VSIG8: variants seen among roughly 807,000 people sequenced by gnomAD.
VSIG8 encodes V-set and immunoglobulin domain containing 8, also known as V-set and immunoglobulin domain-containing protein 8.
In VSIG8, 32 loss-of-function variants were observed where a neutral mutation model predicts 42.6. That is an observed-to-expected ratio of 0.75 (90% CI 0.57 to 1.01). The LOEUF (loss-of-function observed/expected upper bound fraction) is 1.01. VSIG8 is among the 50% of genes least tolerant of loss of function. The pLI is 0.00. For missense variants in VSIG8, 529 were observed against 558.0 expected (o/e 0.95, Z 0.52); for synonymous variants, 290 against 243.8 (o/e 1.19, Z -1.77).
intron 1 of VSIG8, chr1:159,860,529 C>G (rs574620558): frequency 3.3e-5 from 5 of 152,218 alleles, no homozygotes; most frequent in Non-Finnish European, 5.9e-5. Context: ...GAACATCCCC[C>G]CTAGGAACAC....
intron 3 of VSIG8, 55 bp from the exon 4 acceptor site, chr1:159,858,021 C>T: frequency 1.2e-6 from 2 of 1,612,194 alleles, no homozygotes; most frequent in Non-Finnish European, 1.7e-6. Flanking sequence ...CAGAGCCAGG[C>T]TCAAAGTGGC....
At chr1:159,859,631 G>A (rs1284970298) in intron 1 of VSIG8, among the ~76,000 whole-genome samples, 1 of 152,150 alleles carries the variant, frequency 6.6e-6, no homozygotes, top group African/African-American at 2.4e-5. Flanking sequence ...GTGGACAGCT[G>A]TGACCAGGAG....
chr1:159,858,569 T>C (rs1196835717), intron 2 of VSIG8, among the ~76,000 whole-genome samples, 165 bp downstream of exon 2: 1 of 152,222 alleles, frequency 6.6e-6, no homozygotes, highest in African/African-American at 2.4e-5. Context: ...GTAGACTGAC[T>C]GGCTAGCTTA....
chr1:159,854,818 T>A lies in VSIG8; in HGVS notation c.1180A>T (p.Lys394Ter). The A allele has an allele frequency of 6.7e-7, 1 of 1,503,308 alleles. No homozygotes were observed. The highest frequency in any genetic ancestry group is 8.8e-7 in the Non-Finnish European group (1 of 1,133,456). 93.1% of individuals were successfully genotyped at this position (1,503,308 alleles called of 1,614,324 possible). ...GCGCAGTCAGCCGGCTCCGCGCTCT[T>A]GACCTTGACGTAGACCGGGGAGGGG... ...AGPSPVYVKVKSAEPADCAEG... is the reference protein window; with the variant it reads ...AGPSPVYVKV Residue 394 changes from lysine (K) to a stop codon, truncating the protein, a stop_gained, in exon 7 of 7, where the codon AAG becomes TAG. Transcript: ENST00000368100. LOFTEE classifies it high-confidence loss of function.
Position 159,854,991 on chromosome 1 carries a change from C to T in VSIG8, c.1007G>A (p.Gly336Glu). 1 of 1,560,874 alleles carries T rather than the reference C, an allele frequency of 6.4e-7. No individual in the cohort carries two copies. The highest frequency in any genetic ancestry group is 2.4e-5 in the East Asian group (1 of 41,296). ...DAVAPGCKAS[G>E]RGSRVTHLLG... ...GAGGTGGGTGACGCGGCTGCCGCGC[C>T]CGCTGGCCTTGCACCCGGGCGCCAC... The change falls in exon 7 of 7, where the codon GGG becomes GAG. Residue 336 changes from glycine (G) to glutamate (E), a missense_variant. Physicochemically the swap from Gly to Glu is moderately conservative, Grantham distance 98. Transcript: ENST00000368100.
At position 159,862,564 on chromosome 1, in the gene VSIG8, G is replaced by A. The variant is rs374245780; in HGVS notation, c.-43C>T. 1.1e-5 allele frequency: 17 copies of A among 1,599,256 alleles called. No homozygotes were observed. The highest frequency in any genetic ancestry group is 2.2e-5 in the East Asian group (1 of 44,454). On this transcript the variant is annotated 5_prime_UTR_variant, in exon 1 of 7. It adds an upstream start codon to the 5' untranslated region. Transcript: ENST00000368100. ...TTCCTCCGTCTGGGCTGGGTATCCC[G>A]TGGGGTCGTAGTGGTGGGTGTGAGG...
At chr1:159,859,332 A>G (rs975214668) in intron 1 of VSIG8, among the ~76,000 whole-genome samples, 5 of 152,184 alleles carry the variant, frequency 3.3e-5, no homozygotes, top group Non-Finnish European at 7.3e-5. Context: ...TGTGGTACAC[A>G]CAGAGTTGTT....
intron 1 of VSIG8, among the ~76,000 whole-genome samples, chr1:159,859,972 C>T (rs948312970): frequency 2.0e-5 from 3 of 152,076 alleles, no homozygotes; most frequent in African/African-American, 7.2e-5. Context: ...AGGGATAAGA[C>T]CGGGGGGTGT....
At position 159,862,468 on chromosome 1, in the gene VSIG8, C is replaced by A; in HGVS notation, c.49+5G>T. 1 of 1,612,056 alleles carries A rather than the reference C, an allele frequency of 6.2e-7. No individual in the cohort carries two copies. Among genetic ancestry groups the A allele is most frequent in the Admixed American group, 1.7e-5 (1 of 59,902 alleles). The stretch of plus-strand genomic sequence containing the variant: ...GGCTACCCTGCCCCCTGCCCAGCCC[C>A]GTACCTGGGCTCAGGCACACGAGTA... On this transcript the variant is annotated splice_donor_5th_base_variant and intron_variant, in intron 1 of 6. Coordinates refer to ENST00000368100, the MANE Select transcript of VSIG8 (RefSeq NM_001013661.1).
rs1032838082 is a variant in VSIG8, at chr1:159,854,987, G to A, written c.1011C>T (p.Arg337=). 3.2e-6 allele frequency: 5 copies of A among 1,557,288 alleles called. No homozygotes were observed. The highest frequency in any genetic ancestry group is 3.5e-6 in the Non-Finnish European group (4 of 1,157,852). The change falls in exon 7 of 7, where the codon CGC becomes CGT. Residue 337 remains arginine (R), a synonymous_variant. Transcript: ENST00000368100. ...CCAGGAGGTGGGTGACGCGGCTGCC[G>A]CGCCCGCTGGCCTTGCACCCGGGCG... The part of the protein sequence containing the change: ...AVAPGCKASG[R]GSRVTHLLGY...
Position 159,855,995 on chromosome 1 carries a change from C to A in VSIG8, c.859G>T (p.Val287Phe). Residue 287 changes from valine (V) to phenylalanine (F), a missense_variant, in exon 6 of 7, where the codon GTC becomes TTC. Coordinates refer to ENST00000368100, the MANE Select transcript of VSIG8 (RefSeq NM_001013661.1). The part of the protein sequence containing the change: ...GCLAVGIWGL[V>F]CCCCGGSGAG... ...CCGGAGCCCCCGCAGCAGCAGCAGACGAGCCCCCAGATGCCTACGGCCAGG... is the reference window on the plus strand; with the variant it reads ...CCGGAGCCCCCGCAGCAGCAGCAGAAGAGCCCCCAGATGCCTACGGCCAGG... 6.2e-7 allele frequency: 1 copy of A among 1,607,316 alleles called. No individual in the cohort carries two copies. The highest frequency in any genetic ancestry group is 8.5e-7 in the Non-Finnish European group (1 of 1,177,154).
chr1:159,858,701 T>C, intron 2 of VSIG8, 33 bp downstream of exon 2: 3 of 1,578,200 alleles, frequency 1.9e-6, no homozygotes, highest in Non-Finnish European at 1.7e-6. Flanking sequence ...TCATGAAGCC[T>C]AGAGGAAGGA....
chr1:159,855,428 A>G, intron 6 of VSIG8: 1 of 1,414,998 alleles, frequency 7.1e-7, no homozygotes, highest in African/African-American at 1.5e-5. Context: ...AGTCTTCTCC[A>G]TCTTTCCCTC....
chr1:159,860,343 A>C (rs1648980058), intron 1 of VSIG8, among the ~76,000 whole-genome samples: 1 of 152,262 alleles, frequency 6.6e-6, no homozygotes, highest in Admixed American at 6.5e-5. Context: ...CACAATCTGC[A>C]CACAAACACA....
In VSIG8 at chr1:159,858,789, A is replaced by G. The variant is rs1284734936; in HGVS notation, c.173T>C (p.Leu58Pro). ...GTTGACCTGCATCCACTCGATGTCC[A>G]GCCCATTGGGACCATAGTCCTCAGG... ...LDPEDYGPNG[L>P]DIEWMQVNSD... The change falls in exon 2 of 7, where the codon CTG becomes CCG. Residue 58 changes from leucine (L) to proline (P), a missense_variant. Physicochemically the swap from Leu to Pro is moderately conservative, Grantham distance 98. Transcript: ENST00000368100. 2 of 1,613,952 alleles carry G rather than the reference A, an allele frequency of 1.2e-6. No homozygotes were observed. Among genetic ancestry groups the G allele is most frequent in the Middle Eastern group, 1.6e-4 (1 of 6,062 alleles).
chr1:159,857,367 A>G (rs547556123), intron 4 of VSIG8, among the ~76,000 whole-genome samples: 2 of 152,260 alleles, frequency 1.3e-5, no homozygotes, highest in South Asian at 4.1e-4. Context: ...TGAGGTCAGG[A>G]GTTTGAGACC....
chr1:159,861,988 C>T (rs534142840), intron 1 of VSIG8: 1 of 154,812 alleles, frequency 6.5e-6, no homozygotes, highest in African/African-American at 2.4e-5. Flanking sequence ...AGTCTCTTGC[C>T]CTTTCAAGGC....
intron 1 of VSIG8, among the ~76,000 whole-genome samples, chr1:159,859,476 G>A (rs1648957002): frequency 6.6e-6 from 1 of 152,220 alleles, no homozygotes; most frequent in South Asian, 2.1e-4. Context: ...AGCCTGAGAA[G>A]CCAAAGACTA....
At chr1:159,855,592 T>A in intron 6 of VSIG8, 1 of 985,100 alleles carries the variant, frequency 1.0e-6, no homozygotes, top group Non-Finnish European at 1.2e-6. Flanking sequence ...AGGGGAAACG[T>A]GAAAAAACAT....
Sources: gnomAD v4.1 joint callset for allele counts (sites outside exome capture counted in the v4.1 genomes callset) on GRCh38, gnomAD v4.1.1 for gene constraint, MANE v1.5 for transcripts, NCBI Gene and HGNC (gene_info 2026-07-23, HGNC 2026-07-21) for gene names.